ANO6: variants seen among roughly 807,000 people sequenced by gnomAD.
ANO6 encodes the protein anoctamin 6.
In ANO6, 106 loss-of-function variants were observed where a neutral mutation model predicts 117.5. The observed-to-expected ratio is 0.90, with a 90% CI of 0.77 to 1.06. ANO6 has a LOEUF of 1.06. Ranked by LOEUF, ANO6 falls within the 50% of genes least tolerant of loss-of-function variation. The probability of loss-of-function intolerance (pLI) is 0.00; values close to 1 mark genes in which losing one functional copy is unlikely to be tolerated. For missense variants in ANO6, 955 were observed against 1,121.1 expected, an observed-to-expected ratio of 0.85 and a Z score of 2.12; for synonymous variants, 367 against 385.1, an observed-to-expected ratio of 0.95 and a Z score of 0.55.
At chr12:45,244,023 T>C (rs1187953348) in intron 1 of ANO6, among the ~76,000 whole-genome samples, 1 of 152,226 alleles carries the variant, frequency 6.6e-6, no homozygotes, top group East Asian at 1.9e-4. Flanking sequence ...AAGGGCTGTT[T>C]ACCGTGTTTT....
chr12:45,382,916 T>C, intron 10 of ANO6, among the ~76,000 whole-genome samples: 1 of 152,164 alleles, frequency 6.6e-6, no homozygotes, highest in East Asian at 1.9e-4. Flanking sequence ...TTGCTGAAGG[T>C]TTAGGTAGCT....
intron 1 of ANO6, among the ~76,000 whole-genome samples, chr12:45,275,553 G>T (rs1257123044): frequency 3.3e-5 from 5 of 152,162 alleles, no homozygotes; most frequent in Non-Finnish European, 7.3e-5. Context: ...TTGCCTACAT[G>T]TACTACAGCT....
intron 1 of ANO6, among the ~76,000 whole-genome samples, chr12:45,224,773 A>G (rs756669869): frequency 6.6e-6 from 1 of 152,144 alleles, no homozygotes; most frequent in Admixed American, 6.5e-5. Context: ...ATTGCTCTAC[A>G]TTTATTATTT....
chr12:45,356,919 C>G (rs1349456940), intron 7 of ANO6, among the ~76,000 whole-genome samples: 2 of 152,136 alleles, frequency 1.3e-5, no homozygotes, highest in Non-Finnish European at 2.9e-5. Flanking sequence ...GCAGATTGTT[C>G]ATGTTCATTT....
Position 45,429,970 on chromosome 12 carries a change from C to T in ANO6, c.*659C>T. 1.0e-6 allele frequency: 1 copy of T among 986,976 alleles called. No individual in the cohort carries two copies. Among genetic ancestry groups the T allele is most frequent in the African/African-American group, 1.7e-5 (1 of 57,350 alleles). The allele number at this position is 986,976 out of a possible 1,614,324, so 61.1% of individuals were successfully genotyped here. A position where few individuals can be genotyped will look rare whatever the true frequency, so the allele number is the denominator to read the frequency against. ...AGCAAGGTTTTGAAGCATATTTGTCCTAATCCACAGTGACACTTTTTATCT... is the reference window on the plus strand; with the variant it reads ...AGCAAGGTTTTGAAGCATATTTGTCTTAATCCACAGTGACACTTTTTATCT... On this transcript the variant is annotated 3_prime_UTR_variant, in exon 20 of 20. Transcript: ENST00000320560.
Position 45,421,114 on chromosome 12 carries a change from T to A in ANO6, c.2261T>A (p.Val754Glu). 6.2e-7 allele frequency: 1 copy of A among 1,614,232 alleles called. No individual in the cohort carries two copies. Among genetic ancestry groups the A allele is most frequent in the Non-Finnish European group, 8.5e-7 (1 of 1,180,028 alleles). The change falls in exon 18 of 20, where the codon GTG becomes GAG. Residue 754 changes from valine (V) to glutamate (E), a missense_variant. Physicochemically the swap from Val to Glu is moderately radical, Grantham distance 121 (BLOSUM62 -2). Coordinates refer to ENST00000320560, the MANE Select transcript of ANO6 (RefSeq NM_001025356.3). ...AFTSDMIPRL[V>E]YYWSFSVPPY... ...ACGTCGGACATGATCCCCCGCCTAG[T>A]GTACTACTGGTCCTTCTCCGTCCCT... is the stretch of plus-strand genomic sequence containing the variant.
At chr12:45,297,990 C>T (rs1000718480) in intron 1 of ANO6, among the ~76,000 whole-genome samples, 1 of 152,140 alleles carries the variant, frequency 6.6e-6, no homozygotes, top group Admixed American at 6.6e-5. Context: ...TTCCCTAGGG[C>T]CTTACCACAC....
intron 15 of ANO6, among the ~76,000 whole-genome samples, chr12:45,407,053 T>C (rs533501898): frequency 3.9e-5 from 6 of 152,298 alleles, no homozygotes; most frequent in Non-Finnish European, 8.8e-5. Context: ...TTTCTAAAAG[T>C]TCTGTGGGTG....
intron 8 of ANO6, among the ~76,000 whole-genome samples, chr12:45,362,197 AT>A (rs2137490194): frequency 6.6e-6 from 1 of 151,870 alleles, no homozygotes; most frequent in South Asian, 2.1e-4. Context: ...CAAGTTTTCT[AT>A]TTTTGCTTGA....
At chr12:45,247,345 A>G (rs1204424678) in intron 1 of ANO6, among the ~76,000 whole-genome samples, 1 of 152,242 alleles carries the variant, frequency 6.6e-6, no homozygotes, top group Non-Finnish European at 1.5e-5. Flanking sequence ...AGGCATAATT[A>G]TAAATACGTG....
In ANO6 at chr12:45,382,847, G is replaced by T. The variant is rs923391217; in HGVS notation, c.1165+4734G>T. On this transcript the variant is annotated intron_variant, in intron 10 of 19. Transcript: ENST00000320560. ...GCCTTTAGAGAGTGTTAATCTTTTTGCTGTGAGAGGGTCTTGCCTCGATGT... is the reference window on the plus strand; with the variant it reads ...GCCTTTAGAGAGTGTTAATCTTTTTTCTGTGAGAGGGTCTTGCCTCGATGT... Among the ~76,000 whole-genome samples the T allele has an allele frequency of 2.6e-5, 4 of 152,286 alleles. No individual in the cohort carries two copies. The South Asian group carries it at 8.3e-4, about 32-fold the overall frequency.
Position 45,431,119 on chromosome 12 carries a change from C to T in ANO6, c.*1808C>T. 1 of 985,278 alleles carries T rather than the reference C, an allele frequency of 1.0e-6. No homozygotes were observed. The highest frequency in any genetic ancestry group is 1.2e-6 in the Non-Finnish European group (1 of 829,826). 61.0% of individuals were successfully genotyped at this position (985,278 alleles called of 1,614,324 possible). A position where few individuals can be genotyped will look rare whatever the true frequency, so the allele number is the denominator to read the frequency against. ...TGAATTGTCCCAGTGGATCCGGGAC[C>T]CCATTTCACTGTCTCTCTTGATCGT... On this transcript the variant is annotated 3_prime_UTR_variant, in exon 20 of 20. Coordinates refer to ENST00000320560, the MANE Select transcript of ANO6 (RefSeq NM_001025356.3).
chr12:45,258,464 T>TG (rs1200334151), intron 1 of ANO6, among the ~76,000 whole-genome samples: 1 of 49,024 alleles, frequency 2.0e-5, no homozygotes, highest in Non-Finnish European at 1.3e-4. Context: ...AATCTTTCAG[T>TG]GATTTTCACC....
chr12:45,250,672 G>C lies in ANO6; in HGVS notation c.70+34281G>C, dbSNP rs114781748. Among the ~76,000 whole-genome samples, 1,425 of 151,546 alleles carry C rather than the reference G, an allele frequency of 9.4e-3. 24 individuals are homozygous for C. Among genetic ancestry groups the C allele is most frequent in the African/African-American group, 0.033 (1,342 of 41,222 alleles). The stretch of plus-strand genomic sequence containing the variant: ...CCCACTTCTGCCTCTGAAAGTACTG[G>C]GATTGCAGGCATGAGCCACTGTGCC... On this transcript the variant is annotated intron_variant, in intron 1 of 19. Transcript: ENST00000320560.
At chr12:45,426,289 G>A (rs891129735) in intron 19 of ANO6, among the ~76,000 whole-genome samples, 1 of 152,166 alleles carries the variant, frequency 6.6e-6, no homozygotes, top group African/African-American at 2.4e-5. Flanking sequence ...AGAAATAGAT[G>A]AAAGAACTCT....
At chr12:45,314,208 A>G (rs1939940118) in intron 2 of ANO6, among the ~76,000 whole-genome samples, 1 of 152,030 alleles carries the variant, frequency 6.6e-6, no homozygotes, top group Admixed American at 6.6e-5. Flanking sequence ...TTGAAATATG[A>G]AGGCCCAAGC....
chr12:45,389,971 T>A (rs1942397759), intron 11 of ANO6, among the ~76,000 whole-genome samples: 1 of 152,142 alleles, frequency 6.6e-6, no homozygotes, highest in Non-Finnish European at 1.5e-5. Context: ...AAAATGGAAA[T>A]CCTCTAAAAA....
chr12:45,242,380 C>A (rs1250873327), intron 1 of ANO6, among the ~76,000 whole-genome samples: 2 of 152,264 alleles, frequency 1.3e-5, no homozygotes, highest in Non-Finnish European at 2.9e-5. Flanking sequence ...CCTGCCAAGC[C>A]AGGCATGGGA....
At chr12:45,354,181 C>T (rs190985179) in intron 7 of ANO6, among the ~76,000 whole-genome samples, 17 of 143,360 alleles carry the variant, frequency 1.2e-4, no homozygotes, top group Admixed American at 4.1e-4. Context: ...TGAGTCACTC[C>T]AACACAGCAG....
Sources: allele counts gnomAD v4.1 joint callset (sites outside exome capture counted in the v4.1 genomes callset), GRCh38; gene constraint gnomAD v4.1.1; transcripts MANE v1.5; gene names NCBI Gene and HGNC (gene_info 2026-07-23, HGNC 2026-07-21).